The following FRMPD4 variants were observed in gnomAD, a reference collection of about 807,000 sequenced individuals.
FRMPD4 encodes the protein FERM and PDZ domain-containing protein 4.
In FRMPD4, 22 loss-of-function variants were observed where a neutral mutation model predicts 94.1. That is an observed-to-expected ratio of 0.23 (90% CI 0.17 to 0.33). FRMPD4 has a LOEUF of 0.33. Ranked by LOEUF, FRMPD4 falls within the 10% of genes least tolerant of loss-of-function variation. The probability of loss-of-function intolerance (pLI) is 1.00; values close to 1 mark genes in which losing one functional copy is unlikely to be tolerated. For missense variants in FRMPD4, 1,111 were observed against 1,339.9 expected (o/e 0.83, Z 2.67); for synonymous variants, 631 against 548.6 (o/e 1.15, Z -2.10).
chrX:12,619,654 A>G (rs1029068998), intron 4 of FRMPD4, among the ~76,000 whole-genome samples: 1 of 111,858 alleles, frequency 8.9e-6, no homozygotes, highest in Non-Finnish European at 1.9e-5. Flanking sequence ...GGCATTATCC[A>G]TCAAGGGACC....
chrX:12,305,731 T>TTTTTTTTTTTTTTTG (rs2054929813), intron 1 of FRMPD4, among the ~76,000 whole-genome samples: 2 of 93,175 alleles, frequency 2.1e-5, no homozygotes, highest in Admixed American at 2.6e-4. Context: ...CTAAGTTTTT[T>TTTTTTTTTTTTTTTG]TTTTTTTTTT....
At chrX:12,476,250 T>C (rs1407840035) in intron 1 of FRMPD4, among the ~76,000 whole-genome samples, 1 of 112,036 alleles carries the variant, frequency 8.9e-6, no homozygotes, top group African/African-American at 3.2e-5. Flanking sequence ...CTGGGAAAAC[T>C]GGCTGGCCAT....
chrX:12,691,688 C>T (rs1007804987), intron 8 of FRMPD4, among the ~76,000 whole-genome samples: 3 of 109,662 alleles, frequency 2.7e-5, no homozygotes, highest in Non-Finnish European at 5.7e-5. Flanking sequence ...CTGGAAATAC[C>T]CACAGAGGAA....
intron 1 of FRMPD4, among the ~76,000 whole-genome samples, chrX:12,285,061 A>C (rs1362759509): frequency 9.0e-6 from 1 of 111,300 alleles, no homozygotes; most frequent in South Asian, 3.8e-4. Flanking sequence ...GTATTATTCA[A>C]CTCTTCCAGC....
intron 2 of FRMPD4, among the ~76,000 whole-genome samples, chrX:12,555,411 G>A (rs924081530): frequency 9.4e-6 from 1 of 106,148 alleles, no homozygotes; most frequent in Admixed American, 1.0e-4. Flanking sequence ...TTTTGAGATT[G>A]GATATATAAA....
chrX:12,245,006 C>T lies in FRMPD4; in HGVS notation c.41+105994C>T, dbSNP rs565857607. Reference sequence around the variant, plus strand: ...TAAATTTGAAACTACCTTGCAAGTCCTTATGAAAGAACGTTTGTCAGATTA... The same window carrying T: ...TAAATTTGAAACTACCTTGCAAGTCTTTATGAAAGAACGTTTGTCAGATTA... On this transcript the variant is annotated intron_variant, in intron 1 of 16. Transcript: ENST00000675598. Among the ~76,000 whole-genome samples, 14 of 112,867 alleles carry T rather than the reference C, an allele frequency of 1.2e-4. No homozygotes were observed. In the South Asian group the frequency reaches 5.1e-3, roughly 41 times the overall value.
intron 3 of FRMPD4, among the ~76,000 whole-genome samples, chrX:12,092,239 A>G (rs2055159123): frequency 9.0e-6 from 1 of 111,672 alleles, no homozygotes; most frequent in Non-Finnish European, 1.9e-5. Flanking sequence ...CTCCATGAAC[A>G]CCAGTTATGC....
intron 1 of FRMPD4, among the ~76,000 whole-genome samples, chrX:12,367,886 C>G (rs1280465317): frequency 8.9e-6 from 1 of 111,859 alleles, no homozygotes; most frequent in Non-Finnish European, 1.9e-5. Flanking sequence ...AATAAAAACT[C>G]TTCTTAGGAG....
intron 1 of FRMPD4, among the ~76,000 whole-genome samples, chrX:12,200,932 T>C (rs961172219): frequency 8.9e-6 from 1 of 111,892 alleles, no homozygotes; most frequent in African/African-American, 3.2e-5. Flanking sequence ...GGAAAGGGAG[T>C]CAATTGTACC....
At chrX:12,233,792 C>A (rs1397965923) in intron 1 of FRMPD4, among the ~76,000 whole-genome samples, 1 of 110,524 alleles carries the variant, frequency 9.0e-6, no homozygotes, top group Non-Finnish European at 1.9e-5. Context: ...CAACCATGGG[C>A]CATGTAAACA....
At chrX:12,613,409 C>A (rs1468776501) in intron 3 of FRMPD4, among the ~76,000 whole-genome samples, 2 of 112,214 alleles carry the variant, frequency 1.8e-5, no homozygotes, top group African/African-American at 6.5e-5. Flanking sequence ...AATTCTTTAA[C>A]CTGTGTAAGC....
In FRMPD4 at chrX:12,148,623, G is replaced by A. The variant is rs181315128; in HGVS notation, c.41+9611G>A. 7.1e-5 allele frequency among the ~76,000 whole-genome samples: 8 copies of A among 112,624 alleles called. No individual in the cohort carries two copies. In the East Asian group the frequency reaches 1.4e-3, roughly 20 times the overall value. The stretch of plus-strand genomic sequence containing the variant: ...CTGATGAAGATGACTACACTAAACC[G>A]CAGATTTTCAGTGTAGACTAACCTT... On this transcript the variant is annotated intron_variant, in intron 1 of 16. Coordinates refer to ENST00000675598, the MANE Select transcript of FRMPD4 (RefSeq NM_001368397.1).
intron 1 of FRMPD4, among the ~76,000 whole-genome samples, chrX:12,336,247 C>T: frequency 9.0e-6 from 1 of 111,655 alleles, no homozygotes; most frequent in East Asian, 2.8e-4. Context: ...GAATATATAT[C>T]TCTGTCCAAT....
intron 1 of FRMPD4, among the ~76,000 whole-genome samples, chrX:12,418,057 C>T (rs762057421): frequency 9.3e-6 from 1 of 107,985 alleles, no homozygotes; most frequent in African/African-American, 3.4e-5. Flanking sequence ...AAGGGGTCTA[C>T]AGGCTTCACC....
At chrX:12,432,613 T>C (rs180833441) in intron 1 of FRMPD4, among the ~76,000 whole-genome samples, 33 of 112,073 alleles carry the variant, frequency 2.9e-4, no homozygotes, top group African/African-American at 1.0e-3. Flanking sequence ...CTGTCTTCGG[T>C]TCCTTGCTAT....
At chrX:11,972,817 A>G in intron 3 of FRMPD4, among the ~76,000 whole-genome samples, 1 of 112,740 alleles carries the variant, frequency 8.9e-6, no homozygotes, top group Non-Finnish European at 1.9e-5. Context: ...CCATACCCAG[A>G]AAAATTCATA....
chrX:12,574,974 C>T (rs1176244809), intron 2 of FRMPD4, among the ~76,000 whole-genome samples: 1 of 111,856 alleles, frequency 8.9e-6, no homozygotes, highest in Non-Finnish European at 1.9e-5. Flanking sequence ...GAAGACTAGT[C>T]TCCCTTCCTG....
rs188233811 is a variant in FRMPD4, at chrX:11,851,617, T to A, written c.-160-13469T>A. On this transcript the variant is annotated intron_variant, in intron 1 of 18. Transcript: ENST00000640291. ...TCATTGTGTGGGCAGGATGTTTTTA[T>A]GGTAGAGAATAAGTAAATATGGTTA... Among the ~76,000 whole-genome samples the A allele has an allele frequency of 3.8e-4, 42 of 111,701 alleles. No homozygotes were observed. In the East Asian group the frequency reaches 0.011, roughly 29 times the overall value.
intron 4 of FRMPD4, among the ~76,000 whole-genome samples, chrX:12,620,050 T>C (rs2059273446): frequency 8.9e-6 from 1 of 112,090 alleles, no homozygotes; most frequent in Admixed American, 9.3e-5. Flanking sequence ...GAGACAGGCT[T>C]CTCTGTGCCC....
Sources: allele counts gnomAD v4.1 joint callset (sites outside exome capture counted in the v4.1 genomes callset), GRCh38; gene constraint gnomAD v4.1.1; transcripts MANE v1.5; gene names NCBI Gene and HGNC (gene_info 2026-07-23, HGNC 2026-07-21).